Variants in ACACA observed in about 807,000 individuals in gnomAD.
ACACA encodes the protein acetyl-CoA carboxylase 1.
In ACACA, 103 loss-of-function variants were observed where a neutral mutation model predicts 296.1. That is an observed-to-expected ratio of 0.35 (90% CI 0.30 to 0.41). The LOEUF (loss-of-function observed/expected upper bound fraction) is 0.41. ACACA is among the 10% of genes least tolerant of loss of function. The pLI, the probability that ACACA is intolerant of heterozygous loss-of-function variation, is 1.00. For synonymous variants in ACACA, 953 were observed against 1,038.6 expected, an observed-to-expected ratio of 0.92 and a Z score of 1.58; for missense variants, 1,554 against 2,989.7, an observed-to-expected ratio of 0.52 and a Z score of 11.20.
intron 50 of ACACA, among the ~76,000 whole-genome samples, chr17:37,117,137 G>A (rs1309910094): frequency 3.3e-5 from 5 of 152,194 alleles, no homozygotes; most frequent in Non-Finnish European, 4.4e-5. Context: ...TATCAAACAA[G>A]GGAACAGGGT....
intron 52 of ACACA, among the ~76,000 whole-genome samples, chr17:37,102,333 T>C (rs1286179219): frequency 2.0e-5 from 3 of 151,646 alleles, no homozygotes; most frequent in African/African-American, 7.3e-5. Flanking sequence ...GACTCCCAAG[T>C]AGCTGGGATT....
chr17:37,113,716 C>G lies in ACACA; in HGVS notation c.6275-451G>C, dbSNP rs9897583. 0.33 allele frequency among the ~76,000 whole-genome samples: 50,296 copies of G among 152,084 alleles called. 11,571 individuals are homozygous for G. The highest frequency in any genetic ancestry group is 0.64 in the African/African-American group (26,616 of 41,468). On this transcript the variant is annotated intron_variant, in intron 50 of 55. Coordinates refer to ENST00000616317, the MANE Select transcript of ACACA (RefSeq NM_198834.3). This position sits in a 1 kb window ranked among gnomAD's most constrained non-coding sequence, Gnocchi z 4.0. ...ATAGGATGAGCTCTTCAAATGTGCA[C>G]CTAATGGAAATTGATCCTTTAAAAA...
At chr17:37,181,487 C>T in intron 39 of ACACA, 131 bp from the exon 40 acceptor site, 1 of 898,042 alleles carries the variant, frequency 1.1e-6, no homozygotes. Context: ...CTGAGATATG[C>T]CTCTTAACAC....
chr17:37,361,562 C>T (rs1412718297), intron 1 of ACACA, among the ~76,000 whole-genome samples: 3 of 152,130 alleles, frequency 2.0e-5, no homozygotes, highest in African/African-American at 4.8e-5. Context: ...GGATGAGTTA[C>T]GATACCAAGG....
intron 41 of ACACA, among the ~76,000 whole-genome samples, chr17:37,174,020 A>ATATATATATATATTTT (rs552735515): frequency 6.0e-5 from 1 of 16,794 alleles, no homozygotes; most frequent in Admixed American, 1.3e-3. Context: ...ATATATATAT[A>ATATATATATATATTTT]TTTTTTTTTT....
In ACACA at chr17:37,289,887, C is replaced by T. The variant is rs183208656; in HGVS notation, c.339-4917G>A. Among the ~76,000 whole-genome samples the T allele has an allele frequency of 5.9e-5, 9 of 152,322 alleles. No individual in the cohort carries two copies. In the East Asian group the frequency reaches 1.7e-3, roughly 29 times the overall value. On this transcript the variant is annotated intron_variant, in intron 3 of 55. Coordinates refer to ENST00000616317, the MANE Select transcript of ACACA (RefSeq NM_198834.3). ...ACTTACATCTTTCCTCCCAATCACA[C>T]TGGACTGTTACATGAGCTTAACACA...
At chr17:37,298,948 C>T (rs2083481801) in intron 3 of ACACA, among the ~76,000 whole-genome samples, 1 of 152,178 alleles carries the variant, frequency 6.6e-6, no homozygotes, top group Non-Finnish European at 1.5e-5. Flanking sequence ...ACTGGAAATA[C>T]TAGCCAAATC....
At chr17:37,321,600 T>C (rs187105906) in intron 3 of ACACA, among the ~76,000 whole-genome samples, 1 of 151,934 alleles carries the variant, frequency 6.6e-6, no homozygotes, top group Non-Finnish European at 1.5e-5. Context: ...ATACAAAAAT[T>C]AGCCAGGCGT....
In ACACA at chr17:37,296,936, C is replaced by G. The variant is rs566807313; in HGVS notation, c.339-11966G>C. On this transcript the variant is annotated intron_variant, in intron 3 of 55. Coordinates refer to ENST00000616317, the MANE Select transcript of ACACA (RefSeq NM_198834.3). ...TTCGCCATGTTGCCCAGGCTGGTCTCGAACTCCTGGCCTCAGGTGATCTGC... is the reference window on the plus strand; with the variant it reads ...TTCGCCATGTTGCCCAGGCTGGTCTGGAACTCCTGGCCTCAGGTGATCTGC... 2.0e-5 allele frequency among the ~76,000 whole-genome samples: 3 copies of G among 150,524 alleles called. No homozygotes were observed. In the East Asian group the frequency reaches 6.2e-4, roughly 31 times the overall value.
chr17:37,194,300 T>C (rs886690684), intron 35 of ACACA, among the ~76,000 whole-genome samples: 14 of 152,190 alleles, frequency 9.2e-5, no homozygotes, highest in African/African-American at 3.1e-4. Context: ...ACTAGCTGCC[T>C]ACACATCCTC....
intron 1 of ACACA, chr17:37,388,932 G>T: frequency 8.4e-7 from 1 of 1,197,214 alleles, no homozygotes; most frequent in Non-Finnish European, 1.2e-6. Flanking sequence ...CTAGCTGAGT[G>T]GTGTTGGGAA....
intron 44 of ACACA, among the ~76,000 whole-genome samples, chr17:37,150,948 A>G (rs1450382971): frequency 6.6e-6 from 1 of 151,902 alleles, no homozygotes; most frequent in Admixed American, 6.6e-5. Flanking sequence ...GCTACTCAGG[A>G]GGCTGAGGCA....
chr17:37,126,334 C>T (rs2074784836), intron 47 of ACACA, among the ~76,000 whole-genome samples: 1 of 152,116 alleles, frequency 6.6e-6, no homozygotes, highest in South Asian at 2.1e-4. Flanking sequence ...GATATATCTA[C>T]TTTATTAAAC....
chr17:37,110,619 G>A (rs1411569240), intron 52 of ACACA, among the ~76,000 whole-genome samples: 3 of 152,130 alleles, frequency 2.0e-5, no homozygotes, highest in Non-Finnish European at 4.4e-5. Context: ...AGGCAAACGG[G>A]ATTTTTCTGT....
intron 28 of ACACA, 72 bp from the exon 29 acceptor site, chr17:37,221,914 CT>C (rs2079311100): frequency 7.4e-7 from 1 of 1,356,844 alleles, no homozygotes; most frequent in African/African-American, 1.4e-5. Flanking sequence ...GAAAAAGAGT[CT>C]TGAAACGAGG....
chr17:37,231,943 T>C (rs949996597), intron 25 of ACACA, among the ~76,000 whole-genome samples: 3 of 152,250 alleles, frequency 2.0e-5, no homozygotes, highest in Non-Finnish European at 2.9e-5. Flanking sequence ...AAATGTACTA[T>C]TGGTCTTCCA....
In ACACA at chr17:37,300,554, G is replaced by A. The variant is rs576737783; in HGVS notation, c.339-15584C>T. Among the ~76,000 whole-genome samples the A allele has an allele frequency of 3.3e-5, 5 of 152,306 alleles. No homozygotes were observed. The South Asian group carries it at 1.0e-3, about 32-fold the overall frequency. On this transcript the variant is annotated intron_variant, in intron 3 of 55. Coordinates refer to ENST00000616317, the MANE Select transcript of ACACA (RefSeq NM_198834.3). ...TTAACAATCTGATGCCAACCACGCTGAGAATATATTAAGCTTCCAGAAAAA... is the reference window on the plus strand; with the variant it reads ...TTAACAATCTGATGCCAACCACGCTAAGAATATATTAAGCTTCCAGAAAAA...
At chr17:37,088,788 G>T in intron 55 of ACACA, 150 bp downstream of exon 55, 1 of 1,074,022 alleles carries the variant, frequency 9.3e-7, no homozygotes, top group Non-Finnish European at 1.4e-6. Flanking sequence ...GGCCATATCT[G>T]TACCTGTGGG....
intron 3 of ACACA, chr17:37,289,407 A>ACCTT: frequency 1.5e-6 from 2 of 1,324,624 alleles, no homozygotes; most frequent in Non-Finnish European, 2.0e-6. Context: ...AGGCTAAGGA[A>ACCTT]GTACCCACAC....
Sources: allele counts gnomAD v4.1 joint callset (sites outside exome capture counted in the v4.1 genomes callset), GRCh38; gene constraint gnomAD v4.1.1; non-coding constraint Gnocchi (gnomAD v3.1); transcripts MANE v1.5; gene names NCBI Gene and HGNC (gene_info 2026-07-23, HGNC 2026-07-21).